The following CEP350 variants were observed in gnomAD, a reference collection of about 807,000 sequenced individuals.
CEP350 encodes centrosome-associated protein 350.
In CEP350, 126 loss-of-function variants were observed where a neutral mutation model predicts 331.8. The ratio of observed to expected loss-of-function variants is 0.38; its 90% CI spans 0.33 to 0.44. The LOEUF is 0.44. Among genes scored for constraint, CEP350 ranks in the 20% least tolerant of loss-of-function variants. The pLI, the probability that CEP350 is intolerant of heterozygous loss-of-function variation, is 1.00. For missense variants in CEP350, 3,406 were observed against 3,634.6 expected, an observed-to-expected ratio of 0.94 and a Z score of 1.62; for synonymous variants, 1,200 against 1,259.5, an observed-to-expected ratio of 0.95 and a Z score of 1.00.
At chr1:180,059,024 C>T (rs1304847503) in intron 25 of CEP350, among the ~76,000 whole-genome samples, 1 of 152,152 alleles carries the variant, frequency 6.6e-6, no homozygotes, top group Non-Finnish European at 1.5e-5. Flanking sequence ...ACACCATTCA[C>T]CATTTTAAAG....
chr1:180,034,591 C>G (rs1329293844), intron 16 of CEP350, among the ~76,000 whole-genome samples: 2 of 151,658 alleles, frequency 1.3e-5, no homozygotes, highest in African/African-American at 2.4e-5. Flanking sequence ...TGATAAATCT[C>G]TCAATATTTC....
At chr1:180,063,812 C>CA (rs71118431) in intron 26 of CEP350, among the ~76,000 whole-genome samples, 106,052 of 150,814 alleles carry the variant, frequency 0.7, 38,719 homozygotes, top group Admixed American at 0.79. Flanking sequence ...GACCCTGTCT[C>CA]AAAAAAAAAT....
rs568047611 is a variant in CEP350, at chr1:180,009,544, T to C, written c.1247-2385T>C. On this transcript the variant is annotated intron_variant, in intron 8 of 37. Coordinates refer to ENST00000367607, the MANE Select transcript of CEP350 (RefSeq NM_014810.5). The stretch of plus-strand genomic sequence containing the variant: ...TTAATAGTTTATGTAGTGAAATTCC[T>C]TTTTTTTTAACCAATGACCGTGTGT... Among the ~76,000 whole-genome samples, 11 of 151,420 alleles carry C rather than the reference T, an allele frequency of 7.3e-5. No individual in the cohort carries two copies. In the South Asian group the frequency reaches 2.1e-3, roughly 29 times the overall value.
chr1:180,052,751 A>T (rs1657593554), intron 22 of CEP350, among the ~76,000 whole-genome samples: 1 of 152,126 alleles, frequency 6.6e-6, no homozygotes, highest in African/African-American at 2.4e-5. Flanking sequence ...TTGCAACATT[A>T]ATCTTTATAT....
intron 32 of CEP350, among the ~76,000 whole-genome samples, chr1:180,088,197 T>A (rs1037314847): frequency 6.6e-6 from 1 of 152,126 alleles, no homozygotes; most frequent in Non-Finnish European, 1.5e-5. Flanking sequence ...TGGCCAAAAA[T>A]GGATGAATAG....
intron 28 of CEP350, among the ~76,000 whole-genome samples, chr1:180,078,169 A>G (rs1389092399): frequency 6.6e-6 from 1 of 152,118 alleles, no homozygotes; most frequent in African/African-American, 2.4e-5. Context: ...ACAAGGACCA[A>G]AAAGCAAAGA....
intron 5 of CEP350, among the ~76,000 whole-genome samples, chr1:179,993,415 T>C (rs1653234303): frequency 6.6e-6 from 1 of 152,100 alleles, no homozygotes; most frequent in Non-Finnish European, 1.5e-5. Flanking sequence ...CATTTAAAAG[T>C]ATGTAAATTA....
intron 11 of CEP350, among the ~76,000 whole-genome samples, chr1:180,019,027 T>C (rs2148827227): frequency 6.6e-6 from 1 of 152,276 alleles, no homozygotes; most frequent in Non-Finnish European, 1.5e-5. Context: ...ACCTAATTTT[T>C]TGGTATTTGT....
At position 180,004,923 on chromosome 1, in the gene CEP350, C is replaced by CTTTCTT. The variant is rs1298149453; in HGVS notation, c.1133-1529_1133-1524dup. ...GCTTGCTTGCTTTCTTTCTTTCTTT[C>CTTTCTT]TTTCTTTCTTTCTTTCTTTCTTTCT... is the stretch of plus-strand genomic sequence containing the variant. On this transcript the variant is annotated intron_variant, in intron 7 of 37. Transcript: ENST00000367607. Among the ~76,000 whole-genome samples, 80 of 76,094 alleles carry CTTTCTT rather than the reference C, an allele frequency of 1.1e-3. 1 individual carries two copies. Among genetic ancestry groups the CTTTCTT allele is most frequent in the South Asian group, 1.6e-3 (3 of 1,908 alleles). 49.9% of individuals were successfully genotyped at this position (76,094 alleles called of 152,430 possible). A position where few individuals can be genotyped will look rare whatever the true frequency, so the allele number is the denominator to read the frequency against.
At chr1:180,010,527 T>G (rs1654567096) in intron 8 of CEP350, among the ~76,000 whole-genome samples, 1 of 151,922 alleles carries the variant, frequency 6.6e-6, no homozygotes, top group Non-Finnish European at 1.5e-5. Flanking sequence ...GTTACAATAA[T>G]TTAATTAGGC....
intron 27 of CEP350, 38 bp downstream of exon 27, chr1:180,065,310 T>C (rs758057662): frequency 1.0e-5 from 16 of 1,554,464 alleles, no homozygotes; most frequent in Non-Finnish European, 1.4e-5. Flanking sequence ...TTTAGTTACA[T>C]TGAAAGTAGT....
intron 26 of CEP350, among the ~76,000 whole-genome samples, chr1:180,064,215 G>C (rs1157672294): frequency 6.6e-6 from 1 of 151,958 alleles, no homozygotes; most frequent in Non-Finnish European, 1.5e-5. Flanking sequence ...TTGTGTGTGG[G>C]GGTCACTTCC....
chr1:180,055,307 A>G (rs1164070754), intron 25 of CEP350, among the ~76,000 whole-genome samples: 1 of 152,080 alleles, frequency 6.6e-6, no homozygotes, highest in Admixed American at 6.5e-5. Flanking sequence ...TATACTTCAT[A>G]TAGTGGTTGT....
At chr1:180,039,117 G>C (rs1361559449) in intron 17 of CEP350, among the ~76,000 whole-genome samples, 1 of 127,674 alleles carries the variant, frequency 7.8e-6, no homozygotes, top group African/African-American at 2.9e-5. Flanking sequence ...CTTGCGGCGG[G>C]TTGGGCGTGG....
At chr1:180,083,616 A>G (rs1659692954) in intron 30 of CEP350, among the ~76,000 whole-genome samples, 1 of 152,254 alleles carries the variant, frequency 6.6e-6, no homozygotes, top group Non-Finnish European at 1.5e-5. Context: ...TGTATTAATA[A>G]CTAAGGCAAA....
intron 14 of CEP350, among the ~76,000 whole-genome samples, chr1:180,028,247 A>C (rs1655801318): frequency 6.6e-6 from 1 of 152,244 alleles, no homozygotes; most frequent in Non-Finnish European, 1.5e-5. Context: ...ATGAGGCTGT[A>C]GTATGAAGCA....
chr1:179,955,077 A>G lies in CEP350; in HGVS notation c.-79A>G, dbSNP rs1016933123. On this transcript the variant is annotated 5_prime_UTR_variant, in exon 1 of 38. Coordinates refer to ENST00000367607, the MANE Select transcript of CEP350 (RefSeq NM_014810.5). Reference sequence around the variant, plus strand: ...CCCTGGGGCCGGTCGGGGCGGCGTCACTGCACCCTCCGCCAGGCTCCGCGG... The same window carrying G: ...CCCTGGGGCCGGTCGGGGCGGCGTCGCTGCACCCTCCGCCAGGCTCCGCGG... The G allele has an allele frequency of 1.4e-6, 2 of 1,452,438 alleles. No homozygotes were observed. Among genetic ancestry groups the G allele is most frequent in the South Asian group, 1.3e-5 (1 of 74,364 alleles). 90.0% of individuals were successfully genotyped at this position (1,452,438 alleles called of 1,614,324 possible).
intron 33 of CEP350, among the ~76,000 whole-genome samples, chr1:180,091,182 CT>C (rs112664451): frequency 0.045 from 6,317 of 141,598 alleles, 219 homozygotes; most frequent in African/African-American, 0.089. Context: ...CCCAGCTCAT[CT>C]TTTTTTTTTT....
chr1:179,975,770 G>A (rs936194080), intron 1 of CEP350, among the ~76,000 whole-genome samples: 2 of 152,086 alleles, frequency 1.3e-5, no homozygotes, highest in African/African-American at 4.8e-5. Flanking sequence ...AATGGTGCTT[G>A]GTGATAGACA....
Sources: gnomAD v4.1 joint callset for allele counts (sites outside exome capture counted in the v4.1 genomes callset) on GRCh38, gnomAD v4.1.1 for gene constraint, MANE v1.5 for transcripts, NCBI Gene and HGNC (gene_info 2026-07-23, HGNC 2026-07-21) for gene names.